Variants in CNTNAP5 observed in about 807,000 individuals in gnomAD.
CNTNAP5 encodes the protein contactin-associated protein-like 5.
A neutral mutation model predicts 150.2 loss-of-function variants in CNTNAP5; 72 were observed. That is an observed-to-expected ratio of 0.48 (90% confidence interval 0.40 to 0.58). The LOEUF is 0.58. Ranked by LOEUF, CNTNAP5 falls within the 20% of genes least tolerant of loss-of-function variation. The pLI is 0.00. For synonymous variants in CNTNAP5, 672 were observed against 619.8 expected, an observed-to-expected ratio of 1.08 and a Z score of -1.25; for missense variants, 1,636 against 1,626.2, an observed-to-expected ratio of 1.01 and a Z score of -0.10.
At chr2:124,178,605 G>A (rs1315473729) in intron 1 of CNTNAP5, among the ~76,000 whole-genome samples, 1 of 152,136 alleles carries the variant, frequency 6.6e-6, no homozygotes, top group Non-Finnish European at 1.5e-5. Flanking sequence ...CCACTATTTA[G>A]CTTGTGTTCC....
intron 6 of CNTNAP5, among the ~76,000 whole-genome samples, chr2:124,472,081 T>A (rs1693530856): frequency 6.6e-6 from 1 of 152,008 alleles, no homozygotes; most frequent in African/African-American, 2.4e-5. Context: ...ATCTAAATGC[T>A]TGACAAAAGA....
intron 19 of CNTNAP5, among the ~76,000 whole-genome samples, chr2:124,860,124 G>C (rs1677481444): frequency 6.6e-6 from 1 of 151,956 alleles, no homozygotes; most frequent in Non-Finnish European, 1.5e-5. Flanking sequence ...GGCCAAAGTG[G>C]GTGGATCATG....
At chr2:124,320,162 C>T (rs184992423) in intron 3 of CNTNAP5, among the ~76,000 whole-genome samples, 2 of 152,240 alleles carry the variant, frequency 1.3e-5, no homozygotes, top group African/African-American at 4.8e-5. Flanking sequence ...TTTATGCTGC[C>T]TCATTTATTT....
At chr2:124,061,282 C>A (rs908696724) in intron 1 of CNTNAP5, among the ~76,000 whole-genome samples, 1 of 152,086 alleles carries the variant, frequency 6.6e-6, no homozygotes, top group African/African-American at 2.4e-5. Context: ...CTTGATCTAC[C>A]TTTTCTTTTT....
chr2:124,636,584 T>C (rs1245169081), intron 12 of CNTNAP5, among the ~76,000 whole-genome samples: 2 of 152,164 alleles, frequency 1.3e-5, no homozygotes, highest in Non-Finnish European at 2.9e-5. Flanking sequence ...GATTGTAATT[T>C]AGTTTAAATT....
rs76503300 is a variant in CNTNAP5, at chr2:124,048,377, G to C, written c.82+22645G>C. ...GAGCACATTCTTGACAGTTAATACT[G>C]ATATGCCATTTAATGGTTGCTCTTT... is the stretch of plus-strand genomic sequence containing the variant. On this transcript the variant is annotated intron_variant, in intron 1 of 23. Coordinates refer to ENST00000682447, the MANE Select transcript of CNTNAP5 (RefSeq NM_001367498.1). 4.5e-3 allele frequency among the ~76,000 whole-genome samples: 688 copies of C among 152,242 alleles called. 5 individuals are homozygous for C. Among genetic ancestry groups the C allele is most frequent in the African/African-American group, 0.016 (654 of 41,550 alleles).
chr2:124,070,496 A>G (rs984683858), intron 1 of CNTNAP5, among the ~76,000 whole-genome samples: 1 of 151,848 alleles, frequency 6.6e-6, no homozygotes, highest in African/African-American at 2.4e-5. Flanking sequence ...GAAGGAATGA[A>G]AAATAGATAT....
chr2:124,422,774 T>C (rs1276755800), intron 4 of CNTNAP5, among the ~76,000 whole-genome samples: 3 of 152,236 alleles, frequency 2.0e-5, no homozygotes, highest in Non-Finnish European at 4.4e-5. Context: ...ATCCCTTGCC[T>C]GTGTTCTCAG....
rs1677503855 is a variant in CNTNAP5, at chr2:124,860,540, CTTCCTTCT to C, written c.3218-4765_3218-4758del. 2.2e-5 allele frequency among the ~76,000 whole-genome samples: 3 copies of C among 138,652 alleles called. No homozygotes were observed. In the South Asian group the frequency reaches 7.0e-4, roughly 32 times the overall value. The allele number at this position is 138,652 out of a possible 152,430, so 91.0% of individuals were successfully genotyped here. A position where few individuals can be genotyped will look rare whatever the true frequency, so the allele number is the denominator to read the frequency against. Reference sequence around the variant, plus strand: ...CCTTCCTTCCTTCCTTCCTTCCTTCCTTCCTTCTCTCCTTTCTTTCTCCCTTTCTTCCG... The same window carrying C: ...CCTTCCTTCCTTCCTTCCTTCCTTCCCTCCTTTCTTTCTCCCTTTCTTCCG... On this transcript the variant is annotated intron_variant, in intron 19 of 23. Coordinates refer to ENST00000682447, the MANE Select transcript of CNTNAP5 (RefSeq NM_001367498.1).
intron 3 of CNTNAP5, among the ~76,000 whole-genome samples, chr2:124,259,837 C>T (rs1363971412): frequency 6.6e-6 from 1 of 152,102 alleles, no homozygotes; most frequent in Non-Finnish European, 1.5e-5. Context: ...TCAAGGAGAA[C>T]TACAAACCAC....
intron 2 of CNTNAP5, among the ~76,000 whole-genome samples, chr2:124,241,738 TTCAGAGACCGAG>T (rs1241576252): frequency 6.6e-6 from 1 of 151,882 alleles, no homozygotes; most frequent in Admixed American, 6.6e-5. Flanking sequence ...ATAGTAAATA[TTCAGAGACCGAG>T]GAGAGAGAAG....
intron 2 of CNTNAP5, among the ~76,000 whole-genome samples, chr2:124,231,215 A>C (rs1686609999): frequency 6.6e-6 from 1 of 152,144 alleles, no homozygotes; most frequent in Non-Finnish European, 1.5e-5. Context: ...TCTATGACTT[A>C]TTTACTGTGG....
At chr2:124,674,039 C>A (rs1678876660) in intron 13 of CNTNAP5, among the ~76,000 whole-genome samples, 1 of 152,092 alleles carries the variant, frequency 6.6e-6, no homozygotes, top group African/African-American at 2.4e-5. Flanking sequence ...CCGCATTCAC[C>A]ACAATGTCCC....
chr2:124,295,507 C>T (rs1688403642), intron 3 of CNTNAP5, among the ~76,000 whole-genome samples: 1 of 152,220 alleles, frequency 6.6e-6, no homozygotes, highest in Non-Finnish European at 1.5e-5. Flanking sequence ...ACCTGGTGAC[C>T]ATTGAATAGG....
chr2:124,592,901 C>G (rs1026694111), intron 11 of CNTNAP5, among the ~76,000 whole-genome samples: 12 of 151,352 alleles, frequency 7.9e-5, no homozygotes, highest in African/African-American at 2.7e-4. Context: ...TGTCCATTTG[C>G]CCTTTTTTTG....
At chr2:124,206,462 C>T (rs1685864609) in intron 1 of CNTNAP5, among the ~76,000 whole-genome samples, 1 of 152,202 alleles carries the variant, frequency 6.6e-6, no homozygotes, top group African/African-American at 2.4e-5. Flanking sequence ...TTTTCCTAAC[C>T]TACCATCTCC....
intron 11 of CNTNAP5, among the ~76,000 whole-genome samples, chr2:124,564,823 C>T (rs1236363356): frequency 3.3e-5 from 5 of 152,154 alleles, no homozygotes; most frequent in Admixed American, 1.3e-4. Context: ...CAGAGCATTT[C>T]ATGAAAAATT....
intron 1 of CNTNAP5, among the ~76,000 whole-genome samples, chr2:124,081,175 T>G (rs954178037): frequency 3.3e-5 from 5 of 152,194 alleles, no homozygotes; most frequent in Non-Finnish European, 1.5e-5. Flanking sequence ...CTGGTTTTTT[T>G]TTTCTAATAC....
intron 1 of CNTNAP5, among the ~76,000 whole-genome samples, chr2:124,071,310 A>G (rs1682298266): frequency 6.6e-6 from 1 of 151,956 alleles, no homozygotes; most frequent in Admixed American, 6.6e-5. Flanking sequence ...AGAAAAGCAG[A>G]AACAAACCAA....
Sources: allele counts gnomAD v4.1 joint callset (sites outside exome capture counted in the v4.1 genomes callset), GRCh38; gene constraint gnomAD v4.1.1; transcripts MANE v1.5; gene names NCBI Gene and HGNC (gene_info 2026-07-23, HGNC 2026-07-21).